Variants in PPTC7 observed in about 807,000 individuals in gnomAD.
PPTC7 encodes the protein protein phosphatase PTC7 homolog.
PPTC7 carries 6 observed loss-of-function variants against 30.8 expected under a neutral mutation model. That is an observed-to-expected ratio of 0.19 (90% CI 0.11 to 0.38). PPTC7 has a LOEUF of 0.38. Ranked by LOEUF, PPTC7 falls within the 10% of genes least tolerant of loss-of-function variation. PPTC7 has a pLI of 1.00. For missense variants in PPTC7, 218 were observed against 404.8 expected (o/e 0.54, Z 3.96); for synonymous variants, 163 against 168.1 (o/e 0.97, Z 0.23).
At chr12:110,543,289 G>A (rs559740721) in intron 3 of PPTC7, among the ~76,000 whole-genome samples, 2 of 152,300 alleles carry the variant, frequency 1.3e-5, no homozygotes, top group Admixed American at 6.5e-5. Flanking sequence ...TCTGCCATGT[G>A]CTGCTGCAGG....
chr12:110,577,927 C>T (rs1271696399), intron 1 of PPTC7, among the ~76,000 whole-genome samples: 1 of 151,568 alleles, frequency 6.6e-6, no homozygotes, highest in East Asian at 1.9e-4. Flanking sequence ...ACACACACAC[C>T]CAGGAAAAGC....
intron 2 of PPTC7, among the ~76,000 whole-genome samples, chr12:110,547,198 C>A (rs529492779): frequency 6.6e-6 from 1 of 152,274 alleles, no homozygotes; most frequent in South Asian, 2.1e-4. Flanking sequence ...AAATAAGGGA[C>A]TGGTTAAATA....
intron 1 of PPTC7, among the ~76,000 whole-genome samples, chr12:110,581,176 A>G (rs2064634178): frequency 6.6e-6 from 1 of 152,132 alleles, no homozygotes; most frequent in African/African-American, 2.4e-5. Context: ...TGGGCGGCCG[A>G]GGCGAACACG....
In PPTC7 at chr12:110,533,896, T is replaced by C. The variant is rs1424424771; in HGVS notation, c.*3141A>G. ...TCCTATCCAGAACACACGCAGCTGA[T>C]AGAGGAGAGGACGCTCTCCCATCAT... is the stretch of plus-strand genomic sequence containing the variant. On this transcript the variant is annotated 3_prime_UTR_variant, in exon 6 of 6. Coordinates refer to ENST00000354300, the MANE Select transcript of PPTC7 (RefSeq NM_139283.2). 1 of 152,272 alleles carries C rather than the reference T, an allele frequency of 6.6e-6. No individual in the cohort carries two copies. Among genetic ancestry groups the C allele is most frequent in the Non-Finnish European group, 1.5e-5 (1 of 68,032 alleles). The allele number at this position is 152,272 out of a possible 1,614,324, so 9.4% of individuals were successfully genotyped here.
chr12:110,540,904 T>C (rs1565916431), intron 3 of PPTC7, among the ~76,000 whole-genome samples: 1 of 151,528 alleles, frequency 6.6e-6, no homozygotes, highest in South Asian at 2.1e-4. Context: ...GCCTCCCGAG[T>C]AGCTGGGACT....
intron 1 of PPTC7, among the ~76,000 whole-genome samples, chr12:110,560,611 T>A (rs2064431073): frequency 6.6e-6 from 1 of 152,050 alleles, no homozygotes; most frequent in South Asian, 2.1e-4. Context: ...TTTAAACCCC[T>A]CCTACTGCAC....
chr12:110,582,700 G>T, intron 1 of PPTC7, 109 bp downstream of exon 1: 1 of 960,378 alleles, frequency 1.0e-6, no homozygotes, highest in Non-Finnish European at 1.5e-6. Flanking sequence ...CCCTCCATGT[G>T]AGCGCTCTGG....
chr12:110,540,086 A>G (rs1436878814), intron 3 of PPTC7, 141 bp from the exon 4 acceptor site: 3 of 682,060 alleles, frequency 4.4e-6, no homozygotes, highest in South Asian at 4.7e-5. Flanking sequence ...ATTTTTAAAA[A>G]AAGTCATTCT....
At chr12:110,567,101 A>G (rs1490273885) in intron 1 of PPTC7, among the ~76,000 whole-genome samples, 3 of 152,160 alleles carry the variant, frequency 2.0e-5, no homozygotes, top group Non-Finnish European at 4.4e-5. Context: ...GTGCCTTTAT[A>G]GCGATCTTCC....
chr12:110,539,347 A>C (rs1321563595), intron 4 of PPTC7, among the ~76,000 whole-genome samples: 2 of 152,246 alleles, frequency 1.3e-5, no homozygotes, highest in African/African-American at 4.8e-5. Flanking sequence ...ATGTTCACAA[A>C]GCCAGGAAAA....
chr12:110,563,571 C>T (rs556353565), intron 1 of PPTC7, among the ~76,000 whole-genome samples: 19 of 151,850 alleles, frequency 1.3e-4, no homozygotes, highest in African/African-American at 4.1e-4. Flanking sequence ...GCCGAGACTG[C>T]GCCACTGCAC....
chr12:110,577,843 G>A (rs1403231567), intron 1 of PPTC7, among the ~76,000 whole-genome samples: 1 of 152,142 alleles, frequency 6.6e-6, no homozygotes, highest in Non-Finnish European at 1.5e-5. Context: ...CTAAACTGTG[G>A]TTTAGCATGC....
Position 110,574,141 on chromosome 12 carries a change from T to TAAA in PPTC7, c.223+8665_223+8667dup, listed in dbSNP as rs58133391. 9.8e-3 allele frequency among the ~76,000 whole-genome samples: 365 copies of TAAA among 37,430 alleles called. 3 individuals are homozygous for TAAA. Among genetic ancestry groups the TAAA allele is most frequent in the African/African-American group, 0.014 (143 of 10,372 alleles). 24.6% of individuals were successfully genotyped at this position (37,430 alleles called of 152,430 possible). A position where few individuals can be genotyped will look rare whatever the true frequency, so the allele number is the denominator to read the frequency against. ...AGAGAGACTCTGTCTCCACAATAAT[T>TAAA]AAAAAAAAAAAAAAAAAAAAAAAAA... On this transcript the variant is annotated intron_variant, in intron 1 of 5. Transcript: ENST00000354300.
At chr12:110,568,582 G>A (rs1029223117) in intron 1 of PPTC7, among the ~76,000 whole-genome samples, 2 of 152,134 alleles carry the variant, frequency 1.3e-5, no homozygotes, top group African/African-American at 4.8e-5. Flanking sequence ...CCAGTCCTGT[G>A]CATGTTTGCC....
chr12:110,579,351 C>T lies in PPTC7; in HGVS notation c.223+3458G>A, dbSNP rs534120449. On this transcript the variant is annotated intron_variant, in intron 1 of 5. Transcript: ENST00000354300. ...GTCCTTCACTGCCCCTATCCCCCACCATTTGCATATGTGCATGCTTGATCT... is the reference window on the plus strand; with the variant it reads ...GTCCTTCACTGCCCCTATCCCCCACTATTTGCATATGTGCATGCTTGATCT... Among the ~76,000 whole-genome samples the T allele has an allele frequency of 2.6e-5, 4 of 152,304 alleles. 1 individual carries two copies. In the South Asian group the frequency reaches 8.3e-4, roughly 32 times the overall value.
At chr12:110,570,821 C>T (rs1230659596) in intron 1 of PPTC7, among the ~76,000 whole-genome samples, 1 of 151,356 alleles carries the variant, frequency 6.6e-6, no homozygotes, top group Admixed American at 6.6e-5. Flanking sequence ...GAAACACCCA[C>T]AGATAATCAA....
At chr12:110,561,088 G>C (rs1593157145) in intron 1 of PPTC7, among the ~76,000 whole-genome samples, 1 of 152,236 alleles carries the variant, frequency 6.6e-6, no homozygotes, top group East Asian at 1.9e-4. Context: ...TGCAGTAAGG[G>C]GCCATCTAAT....
intron 1 of PPTC7, among the ~76,000 whole-genome samples, chr12:110,557,283 T>C (rs2064397237): frequency 6.6e-6 from 1 of 152,180 alleles, no homozygotes; most frequent in African/African-American, 2.4e-5. Context: ...AGTAGTAGTT[T>C]TGTTTTCTTT....
intron 1 of PPTC7, among the ~76,000 whole-genome samples, chr12:110,570,748 G>C (rs2064528004): frequency 7.0e-6 from 1 of 142,862 alleles, no homozygotes; most frequent in African/African-American, 2.6e-5. Flanking sequence ...CTTTGTTCAC[G>C]TGTTTGTCTG....
Sources: gnomAD v4.1 joint callset for allele counts (sites outside exome capture counted in the v4.1 genomes callset) on GRCh38, gnomAD v4.1.1 for gene constraint, MANE v1.5 for transcripts, NCBI Gene and HGNC (gene_info 2026-07-23, HGNC 2026-07-21) for gene names.